The following NEBL variants were observed in gnomAD, a reference collection of about 807,000 sequenced individuals.
NEBL encodes the protein nebulette, also known as LIM and SH3 protein 2.
In NEBL, 122 loss-of-function variants were observed where a neutral mutation model predicts 140.2. That is an observed-to-expected ratio of 0.87 (90% CI 0.75 to 1.01). The LOEUF (loss-of-function observed/expected upper bound fraction) is 1.01. Ranked by LOEUF, NEBL falls within the 50% of genes least tolerant of loss-of-function variation. NEBL has a pLI of 0.00. For missense variants in NEBL, 1,365 were observed against 1,231.3 expected (o/e 1.11, Z -1.62); for synonymous variants, 436 against 398.9 (o/e 1.09, Z -1.11).
intron 2 of NEBL, among the ~76,000 whole-genome samples, chr10:21,122,070 G>A (rs1352073649): frequency 6.6e-6 from 1 of 151,758 alleles, no homozygotes; most frequent in Non-Finnish European, 1.5e-5. Flanking sequence ...CTATCACCCA[G>A]ACTGGAATGC....
At chr10:21,084,230 T>C (rs963157118) in intron 2 of NEBL, among the ~76,000 whole-genome samples, 34 of 152,328 alleles carry the variant, frequency 2.2e-4, no homozygotes, top group African/African-American at 7.9e-4. Context: ...GTGGTCACAG[T>C]GTGTGGTTTA....
At chr10:21,118,634 A>G (rs1473897792) in intron 2 of NEBL, among the ~76,000 whole-genome samples, 4 of 152,262 alleles carry the variant, frequency 2.6e-5, no homozygotes, top group African/African-American at 9.6e-5. Flanking sequence ...GAAAAAAAAA[A>G]CTATTATTTG....
intron 1 of NEBL, among the ~76,000 whole-genome samples, chr10:21,273,574 A>G (rs990097110): frequency 4.6e-5 from 7 of 152,120 alleles, no homozygotes; most frequent in African/African-American, 1.7e-4. Flanking sequence ...GTCCCTCCCT[A>G]TCTACACCCT....
At chr10:20,899,493 G>C (rs114584294), upstream of NEBL, 588 of 1,202,302 alleles carry the variant, frequency 4.9e-4, 3 homozygotes, top group African/African-American at 8.8e-3. Context: ...ACAAACTTTT[G>C]AAAACAAAAA....
intron 4 of NEBL, among the ~76,000 whole-genome samples, chr10:20,951,193 A>T (rs573463938): frequency 6.2e-4 from 94 of 152,328 alleles, no homozygotes; most frequent in African/African-American, 1.9e-3. Flanking sequence ...AGCAAAAAAC[A>T]TGACTTCCTA....
At chr10:21,134,162 G>A (rs542295580) in intron 2 of NEBL, among the ~76,000 whole-genome samples, 1 of 152,022 alleles carries the variant, frequency 6.6e-6, no homozygotes, top group Non-Finnish European at 1.5e-5. Flanking sequence ...AGAGGCAGAG[G>A]TTGCAGTGAG....
At chr10:21,266,933 T>G (rs1431169158) in intron 1 of NEBL, among the ~76,000 whole-genome samples, 1 of 152,076 alleles carries the variant, frequency 6.6e-6, no homozygotes, top group Non-Finnish European at 1.5e-5. Flanking sequence ...TGCACCACCA[T>G]GACTGGATAA....
chr10:20,823,337 C>T lies in NEBL; in HGVS notation c.1870-37G>A, dbSNP rs1245155927. The T allele has an allele frequency of 2.1e-6, 3 of 1,410,966 alleles. No individual in the cohort carries two copies. The African/African-American group carries it at 4.3e-5, about 20-fold the overall frequency. 87.4% of individuals were successfully genotyped at this position (1,410,966 alleles called of 1,614,324 possible). On this transcript the variant is annotated intron_variant, in intron 18 of 27. Coordinates refer to ENST00000377122, the MANE Select transcript of NEBL (RefSeq NM_006393.3). ...ATAAGAATATAACGTTAACTTTATTCTATGCAAGGCTTTAAAATATTGAGA... is the reference window on the plus strand; with the variant it reads ...ATAAGAATATAACGTTAACTTTATTTTATGCAAGGCTTTAAAATATTGAGA...
intron 4 of NEBL, among the ~76,000 whole-genome samples, chr10:20,938,950 A>T (rs1834672826): frequency 1.3e-5 from 2 of 152,226 alleles, no homozygotes; most frequent in African/African-American, 4.8e-5. Context: ...AAAAGACCAA[A>T]TCTATGTCTG....
chr10:20,805,013 A>C (rs966781111), intron 26 of NEBL, among the ~76,000 whole-genome samples: 6 of 152,208 alleles, frequency 3.9e-5, no homozygotes, highest in Non-Finnish European at 5.9e-5. Flanking sequence ...AGTGGCTGAC[A>C]TAAGGGTAGC....
At chr10:20,978,950 C>T (rs1589102366) in intron 3 of NEBL, among the ~76,000 whole-genome samples, 1 of 151,946 alleles carries the variant, frequency 6.6e-6, no homozygotes, top group South Asian at 2.1e-4. Flanking sequence ...GATAAGACAG[C>T]ATACAGTCAT....
intron 3 of NEBL, among the ~76,000 whole-genome samples, chr10:20,973,779 A>G (rs1836681103): frequency 6.6e-6 from 1 of 152,334 alleles, no homozygotes; most frequent in East Asian, 1.9e-4. Context: ...CAAAGTCTGG[A>G]GTGAATCTTT....
chr10:21,183,265 G>A (rs751489293), intron 3 of NEBL, among the ~76,000 whole-genome samples: 1 of 152,134 alleles, frequency 6.6e-6, no homozygotes, highest in Non-Finnish European at 1.5e-5. Flanking sequence ...ACAAGAAGAG[G>A]GCAGAGAGGG....
intron 9 of NEBL, among the ~76,000 whole-genome samples, chr10:20,857,073 C>T (rs971486573): frequency 4.6e-5 from 7 of 152,118 alleles, no homozygotes; most frequent in African/African-American, 1.7e-4. Flanking sequence ...AGGTGATCCA[C>T]CCGCCTCCCA....
In NEBL at chr10:20,897,282, T is replaced by G. The variant is rs1847598949; in HGVS notation, c.-77A>C. ...TTTCCATACCACAGTGCCCTTGAGA[T>G]GCTGACGTCTCTGGTGCTCTGGCAG... is the stretch of plus-strand genomic sequence containing the variant. On this transcript the variant is annotated 5_prime_UTR_variant, in exon 1 of 28. Coordinates refer to ENST00000377122, the MANE Select transcript of NEBL (RefSeq NM_006393.3). The G allele has an allele frequency of 5.3e-6, 8 of 1,517,040 alleles. No individual in the cohort carries two copies. Among genetic ancestry groups the G allele is most frequent in the Non-Finnish European group, 6.1e-6 (7 of 1,140,954 alleles). The allele number at this position is 1,517,040 out of a possible 1,614,324, so 94.0% of individuals were successfully genotyped here.
chr10:20,962,323 A>G (rs1404016609), intron 3 of NEBL, among the ~76,000 whole-genome samples: 1 of 152,262 alleles, frequency 6.6e-6, no homozygotes, highest in East Asian at 1.9e-4. Context: ...TTTTTATTCA[A>G]CTTCAGAAGG....
In NEBL at chr10:21,069,957, G is replaced by A. The variant is rs572181068; in HGVS notation, c.165-49756C>T. On this transcript the variant is annotated intron_variant, in intron 2 of 6. Transcript: ENST00000417816. ...ATATCCCCTATCATGTACTTACAGC[G>A]GCTTAGGGACTGCGCCCCTGGAGCC... 914 of 456,026 alleles carry A rather than the reference G, an allele frequency of 2.0e-3. 3 individuals are homozygous for A. The highest frequency in any genetic ancestry group is 3.2e-3 in the Non-Finnish European group (731 of 226,914). The allele number at this position is 456,026 out of a possible 1,614,324, so 28.2% of individuals were successfully genotyped here. A position where few individuals can be genotyped will look rare whatever the true frequency, so the allele number is the denominator to read the frequency against.
At chr10:20,809,071 G>A (rs1190266554) in intron 25 of NEBL, among the ~76,000 whole-genome samples, 1 of 152,108 alleles carries the variant, frequency 6.6e-6, no homozygotes. Flanking sequence ...GAATGAAAGT[G>A]ACTATAAAAG....
chr10:21,056,967 C>T (rs1330843469), intron 2 of NEBL, among the ~76,000 whole-genome samples: 1 of 151,882 alleles, frequency 6.6e-6, no homozygotes, highest in African/African-American at 2.4e-5. Context: ...ACTGTGCATT[C>T]AATTTAAAGC....
Sources: allele counts gnomAD v4.1 joint callset (sites outside exome capture counted in the v4.1 genomes callset), GRCh38; gene constraint gnomAD v4.1.1; transcripts MANE v1.5; gene names NCBI Gene and HGNC (gene_info 2026-07-23, HGNC 2026-07-21).